The following AGAP4 variants were observed in gnomAD, a reference collection of about 807,000 sequenced individuals.
AGAP4 encodes the protein ArfGAP with GTPase domain, ankyrin repeat and PH domain 4, also known as arf-GAP with GTPase, ANK repeat and PH domain-containing protein 4.
Under a neutral mutation model 60.7 loss-of-function variants are expected in AGAP4, and 13 were observed. The observed-to-expected ratio is 0.21, with a 90% CI of 0.14 to 0.34. The LOEUF is 0.34. AGAP4 is among the 10% of genes least tolerant of loss of function. The pLI is 1.00. For missense variants in AGAP4, 169 were observed against 884.0 expected (o/e 0.19, Z 10.26); for synonymous variants, 70 against 339.0 (o/e 0.21, Z 8.72).
chr10:45,854,094 C>CT, upstream of AGAP4: 1 of 301,164 alleles, frequency 3.3e-6, no homozygotes, highest in Non-Finnish European at 5.5e-6. Flanking sequence ...GCAGGTAACT[C>CT]TATTTATTCT....
intron 3 of AGAP4, among the ~76,000 whole-genome samples, chr10:45,843,751 G>T (rs2058956917): frequency 6.9e-6 from 1 of 145,448 alleles, no homozygotes; most frequent in Non-Finnish European, 1.5e-5. Context: ...TAACATTAAG[G>T]GAAATAAGCA....
upstream of AGAP4, chr10:45,847,727 TG>T: frequency 8.3e-7 from 1 of 1,201,570 alleles, no homozygotes; most frequent in Non-Finnish European, 1.1e-6. Flanking sequence ...TGGCCCCAGG[TG>T]GGAGCCCAGG....
intron 3 of AGAP4, among the ~76,000 whole-genome samples, chr10:45,842,703 G>A (rs2058939085): frequency 7.1e-6 from 1 of 140,892 alleles, no homozygotes; most frequent in Non-Finnish European, 1.5e-5. Context: ...CTTTGATGCT[G>A]GGAGGGCCTT....
In AGAP4 at chr10:45,836,912, T is replaced by G. The variant is rs1409038495; in HGVS notation, c.397-2796A>C. Reference sequence around the variant, plus strand: ...TGGAGTCTCGCTCTGTTGCCCAGGCTGGAATATGCAGTGTGGTGATCTTGG... The same window carrying G: ...TGGAGTCTCGCTCTGTTGCCCAGGCGGGAATATGCAGTGTGGTGATCTTGG... On this transcript the variant is annotated intron_variant, in intron 4 of 7. Coordinates refer to ENST00000616763, the MANE Select transcript of AGAP4 (RefSeq NM_001276343.3). Among the ~76,000 whole-genome samples, 3 of 150,028 alleles carry G rather than the reference T, an allele frequency of 2.0e-5. No individual in the cohort carries two copies. The Middle Eastern group carries it at 0.01, about 517-fold the overall frequency.
chr10:45,853,705 C>T, exon 1 of AGAP4: 5 of 1,287,806 alleles, frequency 3.9e-6, no homozygotes, highest in Non-Finnish European at 5.1e-6. Flanking sequence ...TGGTCAGAAG[C>T]TCCTCTTGGG....
chr10:45,830,484 T>C (rs1219245585), intron 6 of AGAP4, among the ~76,000 whole-genome samples: 1 of 97,316 alleles, frequency 1.0e-5, no homozygotes, highest in Non-Finnish European at 2.1e-5. Flanking sequence ...CTTATTGCTT[T>C]TTTTGTTTGT....
chr10:45,838,051 G>C (rs1251793404), intron 4 of AGAP4, among the ~76,000 whole-genome samples: 2 of 150,810 alleles, frequency 1.3e-5, no homozygotes, highest in Non-Finnish European at 2.9e-5. Flanking sequence ...GTCAATCAAT[G>C]AGTGGATAAA....
At chr10:45,842,731 C>A (rs2058939560) in intron 3 of AGAP4, among the ~76,000 whole-genome samples, 1 of 134,478 alleles carries the variant, frequency 7.4e-6, no homozygotes, top group Non-Finnish European at 1.6e-5. Flanking sequence ...AAAGTTACTA[C>A]CACTGAAGAG....
upstream of AGAP4, chr10:45,848,032 GT>G (rs2059028790): frequency 1.1e-6 from 1 of 951,422 alleles, no homozygotes; most frequent in African/African-American, 1.8e-5. Flanking sequence ...AGTAGAGTGG[GT>G]CCAATTAGCA....
At chr10:45,849,869 A>G (rs1260535966), upstream of AGAP4, among the ~76,000 whole-genome samples, 2 of 151,356 alleles carry the variant, frequency 1.3e-5, no homozygotes, top group East Asian at 3.9e-4. Context: ...CAGCCTCCCA[A>G]AGTGCTAGGA....
chr10:45,846,230 A>AAC lies in AGAP4; in HGVS notation c.292+455_292+456dup, dbSNP rs1183552500. 2.0e-5 allele frequency among the ~76,000 whole-genome samples: 3 copies of AAC among 151,230 alleles called. 1 individual carries two copies. Among genetic ancestry groups the AAC allele is most frequent in the East Asian group, 3.9e-4 (2 of 5,092 alleles). On this transcript the variant is annotated intron_variant, in intron 2 of 7. Coordinates refer to ENST00000616763, the MANE Select transcript of AGAP4 (RefSeq NM_001276343.3). ...AGGTAAACTCCTTTGAGAAACCCCA[A>AAC]ACACACACACACAACCATTTTTCTG...
At chr10:45,834,955 A>G (rs1443158844) in intron 4 of AGAP4, among the ~76,000 whole-genome samples, 1 of 146,638 alleles carries the variant, frequency 6.8e-6, no homozygotes, top group East Asian at 2.0e-4. Flanking sequence ...TTGTGTTTTT[A>G]GTAGAGACGG....
At chr10:45,846,907 G>A (rs1300218719) in intron 1 of AGAP4, among the ~76,000 whole-genome samples, 152 bp from the exon 2 acceptor site, 13 of 150,848 alleles carry the variant, frequency 8.6e-5, no homozygotes, top group African/African-American at 1.5e-4. Context: ...AGAACTGGGC[G>A]ATTGGGAGGG....
In AGAP4 at chr10:45,825,953, C is replaced by T. The variant is rs376906135; in HGVS notation, c.2023G>A (p.Val675Met). The T allele has an allele frequency of 1.6e-5, 22 of 1,347,700 alleles. 1 individual carries two copies. Among genetic ancestry groups the T allele is most frequent in the South Asian group, 1.3e-4 (9 of 68,608 alleles). The allele number at this position is 1,347,700 out of a possible 1,614,324, so 83.5% of individuals were successfully genotyped here. A position where few individuals can be genotyped will look rare whatever the true frequency, so the allele number is the denominator to read the frequency against. The change falls in exon 8 of 8, where the codon GTG becomes ATG. Residue 675 changes from valine to methionine, a missense_variant. Physicochemically the swap from Val to Met is conservative, Grantham distance 21 (BLOSUM62 1). Transcript: ENST00000616763. ...RQASSQECIN[V>M]LLQYGCPDKC... ...TCGGGGCAGCCGTACTGCAGAAGCA[C>T]GTTGATGCACTCCTGGCTGGAGGCC...
upstream of AGAP4, among the ~76,000 whole-genome samples, chr10:45,849,640 A>G (rs1334674984): frequency 5.4e-5 from 8 of 148,246 alleles, no homozygotes; most frequent in Non-Finnish European, 8.9e-5. Context: ...CTTGCTGAAC[A>G]CTATTTTTTT....
At chr10:45,852,776 A>T (rs1304760191) in intron 1 of AGAP4, among the ~76,000 whole-genome samples, 2 of 152,242 alleles carry the variant, frequency 1.3e-5, no homozygotes, top group Non-Finnish European at 2.9e-5. Context: ...AATCTTCAGG[A>T]CCTAGAGGCT....
chr10:45,843,840 G>C (rs1486884412), intron 3 of AGAP4, among the ~76,000 whole-genome samples: 3 of 149,558 alleles, frequency 2.0e-5, no homozygotes, highest in Non-Finnish European at 2.9e-5. Flanking sequence ...CGTAAACTTG[G>C]ATGTGGTAAA....
upstream of AGAP4, chr10:45,853,959 G>C: frequency 4.4e-6 from 5 of 1,136,440 alleles, no homozygotes; most frequent in Non-Finnish European, 5.5e-6. Flanking sequence ...CTCTGGGGAT[G>C]GGGGGACAAC....
chr10:45,852,233 A>ACAAACAAAC (rs1474776746), upstream of AGAP4, among the ~76,000 whole-genome samples: 2 of 143,542 alleles, frequency 1.4e-5, no homozygotes, highest in African/African-American at 5.5e-5. Context: ...AAAAAAAAAA[A>ACAAACAAAC]AAAAAAAAAA....
Sources: allele counts gnomAD v4.1 joint callset (sites outside exome capture counted in the v4.1 genomes callset), GRCh38; gene constraint gnomAD v4.1.1; transcripts MANE v1.5; gene names NCBI Gene and HGNC (gene_info 2026-07-23, HGNC 2026-07-21).